The following CDCP1 variants were observed in gnomAD, a reference collection of about 807,000 sequenced individuals.
CDCP1 encodes CUB domain-containing protein 1.
In CDCP1, 29 loss-of-function variants were observed where a neutral mutation model predicts 60.2. The observed-to-expected ratio is 0.48, with a 90% confidence interval of 0.36 to 0.66. CDCP1 has a LOEUF of 0.66. Among genes scored for constraint, CDCP1 ranks in the 30% least tolerant of loss-of-function variants. The pLI is 0.00. For missense variants in CDCP1, 876 were observed against 1,074.3 expected (o/e 0.82, Z 2.58); for synonymous variants, 387 against 431.1 (o/e 0.90, Z 1.27).
chr3:45,139,108 C>A (rs1421026659), intron 1 of CDCP1, among the ~76,000 whole-genome samples: 1 of 152,244 alleles, frequency 6.6e-6, no homozygotes, highest in African/African-American at 2.4e-5. Context: ...AACTCACTCA[C>A]TCCTGAGGGA....
chr3:45,124,860 A>G (rs1287634989), intron 1 of CDCP1, among the ~76,000 whole-genome samples: 1 of 152,168 alleles, frequency 6.6e-6, no homozygotes, highest in African/African-American at 2.4e-5. Flanking sequence ...AAGGGGACAC[A>G]CACACCATTG....
At chr3:45,111,528 T>G (rs1363394462) in intron 3 of CDCP1, among the ~76,000 whole-genome samples, 1 of 152,028 alleles carries the variant, frequency 6.6e-6, no homozygotes, top group Admixed American at 6.6e-5. Context: ...ATACAAAAGT[T>G]AGCTGGGTGT....
chr3:45,086,499 G>A (rs1029188163), intron 8 of CDCP1, among the ~76,000 whole-genome samples: 3 of 152,128 alleles, frequency 2.0e-5, no homozygotes, highest in Admixed American at 6.6e-5. Context: ...GTACTTTCCC[G>A]TAGCTCATGC....
chr3:45,117,182 T>C (rs2125999896), intron 2 of CDCP1, among the ~76,000 whole-genome samples: 1 of 152,342 alleles, frequency 6.6e-6, no homozygotes, highest in Non-Finnish European at 1.5e-5. Flanking sequence ...TTCTTGTTAA[T>C]ACATCTATTC....
At chr3:45,136,690 C>A (rs531732180) in intron 1 of CDCP1, among the ~76,000 whole-genome samples, 1 of 152,222 alleles carries the variant, frequency 6.6e-6, no homozygotes, top group Non-Finnish European at 1.5e-5. Context: ...TCTACACAAC[C>A]ACATTCTTGC....
intron 1 of CDCP1, among the ~76,000 whole-genome samples, chr3:45,140,211 C>A (rs1246966410): frequency 6.6e-6 from 1 of 152,216 alleles, no homozygotes; most frequent in East Asian, 1.9e-4. Flanking sequence ...AAAATAAAGA[C>A]AACAGCCCGA....
At chr3:45,135,306 A>G (rs957141152) in intron 1 of CDCP1, among the ~76,000 whole-genome samples, 1 of 152,020 alleles carries the variant, frequency 6.6e-6, no homozygotes, top group African/African-American at 2.4e-5. Context: ...AGAAAAAAAA[A>G]AAAACAAAAA....
In CDCP1 at chr3:45,110,726, A is replaced by G; in HGVS notation, c.771T>C (p.Pro257=). The G allele has an allele frequency of 6.2e-7, 1 of 1,614,212 alleles. No individual in the cohort carries two copies. ...DELMTWQFVV[P]AHLRASVSFL... ...AGGAGACGCTGGCCCGCAGGTGTGC[A>G]GGAACGACAAACTGCCACGTCATGA... is the stretch of plus-strand genomic sequence containing the variant. The change falls in exon 4 of 9, where the codon CCT becomes CCC. Residue 257 remains proline (P), a synonymous_variant. Transcript: ENST00000296129.
chr3:45,143,626 G>A (rs1183644730), intron 1 of CDCP1, among the ~76,000 whole-genome samples: 1 of 152,142 alleles, frequency 6.6e-6, no homozygotes, highest in Non-Finnish European at 1.5e-5. Flanking sequence ...TATATTTATT[G>A]CCACTTTTTC....
intron 1 of CDCP1, among the ~76,000 whole-genome samples, chr3:45,136,176 A>C (rs1699187289): frequency 6.6e-6 from 1 of 152,210 alleles, no homozygotes; most frequent in Non-Finnish European, 1.5e-5. Flanking sequence ...GGGATGTGAA[A>C]AACTAAGTTA....
chr3:45,111,590 C>T (rs1177891395), intron 3 of CDCP1, among the ~76,000 whole-genome samples: 3 of 152,158 alleles, frequency 2.0e-5, no homozygotes, highest in African/African-American at 4.8e-5. Flanking sequence ...GCAGAAGAAT[C>T]GCTTGAACCT....
intron 4 of CDCP1, among the ~76,000 whole-genome samples, chr3:45,102,969 T>TC (rs1023986550): frequency 3.3e-5 from 5 of 152,080 alleles, no homozygotes; most frequent in Non-Finnish European, 5.9e-5. Flanking sequence ...GTCTTGATTT[T>TC]TTTTTTTTGA....
Position 45,085,476 on chromosome 3 carries a change from G to T in CDCP1, c.*162C>A. 1 of 691,372 alleles carries T rather than the reference G, an allele frequency of 1.4e-6. No individual in the cohort carries two copies. Among genetic ancestry groups the T allele is most frequent in the African/African-American group, 1.8e-5 (1 of 56,154 alleles). The allele number at this position is 691,372 out of a possible 1,614,324, so 42.8% of individuals were successfully genotyped here. A position where few individuals can be genotyped will look rare whatever the true frequency, so the allele number is the denominator to read the frequency against. On this transcript the variant is annotated 3_prime_UTR_variant, in exon 9 of 9. Transcript: ENST00000296129. The surrounding 1 kb of genome is among the most constrained non-coding windows in gnomAD (Gnocchi z 4.2). ...CATCATTTTCAATGTCTTGCCCTTAGAATGAGTCCACTGAGCAATGTGAAG... is the reference window on the plus strand; with the variant it reads ...CATCATTTTCAATGTCTTGCCCTTATAATGAGTCCACTGAGCAATGTGAAG...
chr3:45,135,389 A>AGTTG (rs1451981219), intron 1 of CDCP1, among the ~76,000 whole-genome samples: 2 of 152,172 alleles, frequency 1.3e-5, no homozygotes, highest in African/African-American at 4.8e-5. Flanking sequence ...TTACAGTAGA[A>AGTTG]GTTGGCCCTA....
rs758597717 is a variant in CDCP1, at chr3:45,146,232, C to T, written c.56G>A (p.Gly19Asp). ...TGCCCCGCGCGGCAGGCGCGCCGCA[C>T]CCAGCAGCAGAACCCCTAGCAGTGC... Reference protein sequence around the residue: ...SIALLGVLLLGAARLPRGAEA... With the variant: ...SIALLGVLLLDAARLPRGAEA... Residue 19 changes from glycine to aspartate, a missense_variant, in exon 1 of 9, where the codon GGT (glycine) becomes GAT (aspartate). This residue lies in a region of CDCP1 where 150 missense variants were observed against 138.6 expected (regional missense o/e 1.08). Transcript: ENST00000296129. 136 of 1,598,258 alleles carry T rather than the reference C, an allele frequency of 8.5e-5. No individual in the cohort carries two copies. Among genetic ancestry groups the T allele is most frequent in the Non-Finnish European group, 1.1e-4 (133 of 1,174,528 alleles).
chr3:45,138,883 C>T (rs1432482330), intron 1 of CDCP1, among the ~76,000 whole-genome samples: 1 of 152,022 alleles, frequency 6.6e-6, no homozygotes, highest in African/African-American at 2.4e-5. Context: ...AAAAGAAAGA[C>T]CGAAAAGAAA....
At chr3:45,113,532 T>A (rs1204821003) in intron 2 of CDCP1, among the ~76,000 whole-genome samples, 1 of 152,196 alleles carries the variant, frequency 6.6e-6, no homozygotes, top group African/African-American at 2.4e-5. Context: ...TTTACTGCTG[T>A]TCTATTGGGG....
rs1354594458 is a variant in CDCP1 at position 45,108,950 on chromosome 3, TA to T, written c.1024+1522del. 1.3e-3 allele frequency among the ~76,000 whole-genome samples: 83 copies of T among 64,230 alleles called. 33 individuals are homozygous for T. The highest frequency in any genetic ancestry group is 0.014 in the Middle Eastern group (2 of 140). 42.1% of individuals were successfully genotyped at this position (64,230 alleles called of 152,430 possible). A position where few individuals can be genotyped will look rare whatever the true frequency, so the allele number is the denominator to read the frequency against. On this transcript the variant is annotated intron_variant, in intron 4 of 8. Transcript: ENST00000296129. ...ATGCATGTATACATATATATATATA[TA>T]TATTTTTTTTTTTTTTGAGATGGAG...
chr3:45,099,975 T>G (rs915659956), intron 4 of CDCP1, among the ~76,000 whole-genome samples: 5 of 152,140 alleles, frequency 3.3e-5, no homozygotes, highest in African/African-American at 9.7e-5. Flanking sequence ...TTTGTTTTAG[T>G]CTTTGTATTT....
Sources: allele counts gnomAD v4.1 joint callset (sites outside exome capture counted in the v4.1 genomes callset), GRCh38; gene constraint gnomAD v4.1.1; regional missense constraint gnomAD v4.1.1; non-coding constraint Gnocchi (gnomAD v3.1); transcripts MANE v1.5; gene names NCBI Gene and HGNC (gene_info 2026-07-23, HGNC 2026-07-21).